ABCA9: variants seen among roughly 807,000 people sequenced by gnomAD.
The protein encoded by ABCA9 is ATP-binding cassette sub-family A member 9.
ABCA9 carries 183 observed loss-of-function variants against 205.3 expected under a neutral mutation model. The ratio of observed to expected loss-of-function variants is 0.89; its 90% CI spans 0.79 to 1.01. The LOEUF (loss-of-function observed/expected upper bound fraction) is 1.01. Ranked by LOEUF, ABCA9 falls within the 50% of genes least tolerant of loss-of-function variation. The probability of loss-of-function intolerance (pLI) is 0.00; values close to 1 mark genes in which losing one functional copy is unlikely to be tolerated. For synonymous variants in ABCA9, 651 were observed against 683.3 expected, an observed-to-expected ratio of 0.95 and a Z score of 0.74; for missense variants, 1,805 against 1,912.4, an observed-to-expected ratio of 0.94 and a Z score of 1.05.
intron 37 of ABCA9, among the ~76,000 whole-genome samples, chr17:68,980,434 G>A (rs1297921450): frequency 6.6e-6 from 1 of 151,588 alleles, no homozygotes; most frequent in Non-Finnish European, 1.5e-5. Flanking sequence ...CTCATTACTG[G>A]GTATATACCC....
At chr17:69,019,819 T>C (rs2070756143) in intron 19 of ABCA9, 1 of 152,570 alleles carries the variant, frequency 6.6e-6, no homozygotes, top group Admixed American at 6.5e-5. Context: ...GCCTCAAGAC[T>C]GTAACATGGA....
chr17:69,017,073 T>C (rs2070645496), intron 21 of ABCA9, among the ~76,000 whole-genome samples: 1 of 152,158 alleles, frequency 6.6e-6, no homozygotes, highest in South Asian at 2.1e-4. Flanking sequence ...TAAGATATAA[T>C]GAGAACTATC....
chr17:69,020,332 CTTAAAT>C (rs2070769630), intron 19 of ABCA9, 50 bp downstream of exon 19: 1 of 1,506,596 alleles, frequency 6.6e-7, no homozygotes, highest in Non-Finnish European at 9.0e-7. Flanking sequence ...GTTTTGCTCT[CTTAAAT>C]TTATTTTTAG....
At chr17:68,980,003 C>T (rs942105340) in intron 37 of ABCA9, among the ~76,000 whole-genome samples, 2 of 152,132 alleles carry the variant, frequency 1.3e-5, no homozygotes, top group Non-Finnish European at 2.9e-5. Context: ...AGGCAACCTA[C>T]AGAATGGGAG....
chr17:68,985,286 A>C (rs1229918695), intron 32 of ABCA9, among the ~76,000 whole-genome samples, 158 bp from the exon 33 acceptor site: 1 of 152,222 alleles, frequency 6.6e-6, no homozygotes, highest in East Asian at 1.9e-4. Context: ...AACCTTTCAT[A>C]GTCATCAAAC....
At chr17:68,991,852 C>T (rs1172599022) in intron 28 of ABCA9, among the ~76,000 whole-genome samples, 1 of 152,144 alleles carries the variant, frequency 6.6e-6, no homozygotes, top group African/African-American at 2.4e-5. Context: ...ATTCTTCCTT[C>T]CCGGATTGGA....
intron 1 of ABCA9, among the ~76,000 whole-genome samples, chr17:69,052,051 C>T (rs1025662119): frequency 1.3e-5 from 2 of 152,060 alleles, no homozygotes; most frequent in Admixed American, 1.3e-4. Context: ...TTAACTTTTA[C>T]CCGGGACATC....
chr17:68,983,590 A>G, intron 36 of ABCA9, 119 bp downstream of exon 36: 3 of 1,363,454 alleles, frequency 2.2e-6, no homozygotes, highest in Non-Finnish European at 3.0e-6. Flanking sequence ...TCTTAAGTAA[A>G]GTACTTGCAA....
intron 36 of ABCA9, 45 bp downstream of exon 36, chr17:68,983,664 A>C: frequency 6.2e-7 from 1 of 1,601,978 alleles, no homozygotes; most frequent in Non-Finnish European, 8.5e-7. Flanking sequence ...AGAAATATGG[A>C]AACAAAAACC....
intron 37 of ABCA9, among the ~76,000 whole-genome samples, chr17:68,978,412 T>C (rs944986221): frequency 3.3e-5 from 5 of 152,180 alleles, no homozygotes; most frequent in African/African-American, 7.2e-5. Flanking sequence ...TGGGTCTTGA[T>C]TCTTTATCTA....
At chr17:69,047,082 C>T (rs2071743607) in intron 3 of ABCA9, among the ~76,000 whole-genome samples, 2 of 151,232 alleles carry the variant, frequency 1.3e-5, no homozygotes, top group African/African-American at 4.9e-5. Flanking sequence ...CTGCCTCAGA[C>T]TCCCAAGTAG....
At chr17:69,000,018 G>T (rs1252781532) in intron 25 of ABCA9, among the ~76,000 whole-genome samples, 1 of 152,070 alleles carries the variant, frequency 6.6e-6, no homozygotes, top group Non-Finnish European at 1.5e-5. Context: ...TGTAGATTCT[G>T]GATATTAGCC....
intron 25 of ABCA9, among the ~76,000 whole-genome samples, chr17:69,004,360 C>A (rs1195333434): frequency 6.6e-6 from 1 of 152,158 alleles, no homozygotes; most frequent in Non-Finnish European, 1.5e-5. Context: ...AGCTGCAGGT[C>A]TGTTGGAGTA....
chr17:69,041,327 T>C (rs938923946), intron 6 of ABCA9, among the ~76,000 whole-genome samples: 1 of 152,166 alleles, frequency 6.6e-6, no homozygotes, highest in African/African-American at 2.4e-5. Context: ...GGAAAAAAAA[T>C]GCCCTGATTT....
intron 6 of ABCA9, among the ~76,000 whole-genome samples, chr17:69,039,667 A>T (rs1567965352): frequency 1.3e-5 from 2 of 152,284 alleles, no homozygotes; most frequent in East Asian, 3.9e-4. Flanking sequence ...TGACTAAAAC[A>T]CTGAAAGAAA....
chr17:69,046,318 C>T (rs1476496649), intron 3 of ABCA9, among the ~76,000 whole-genome samples: 1 of 152,182 alleles, frequency 6.6e-6, no homozygotes. Flanking sequence ...TGGTGCAATT[C>T]AGCAAGTTCT....
At chr17:69,060,027 G>C (rs1332087768) in intron 1 of ABCA9, among the ~76,000 whole-genome samples, 1 of 152,082 alleles carries the variant, frequency 6.6e-6, no homozygotes, top group African/African-American at 2.4e-5. Flanking sequence ...CGTGACTACT[G>C]TTCTTTCTTT....
chr17:69,025,096 G>T (rs532609958), intron 16 of ABCA9, among the ~76,000 whole-genome samples: 1 of 152,250 alleles, frequency 6.6e-6, no homozygotes, highest in African/African-American at 2.4e-5. Flanking sequence ...CAAATAGGAA[G>T]AATGCAGTAC....
chr17:69,042,272 G>C (rs1466823341), intron 6 of ABCA9: 1 of 152,134 alleles, frequency 6.6e-6, no homozygotes, highest in African/African-American at 2.4e-5. Context: ...AAACATTTTA[G>C]ATACATTTCT....
Sources: allele counts gnomAD v4.1 joint callset (sites outside exome capture counted in the v4.1 genomes callset), GRCh38; gene constraint gnomAD v4.1.1; transcripts MANE v1.5; gene names NCBI Gene and HGNC (gene_info 2026-07-23, HGNC 2026-07-21).